Variants in NRIP1 observed in about 807,000 individuals in gnomAD.
The protein encoded by NRIP1 is nuclear receptor-interacting protein 1.
In NRIP1, 28 loss-of-function variants were observed where a neutral mutation model predicts 75.0. That is an observed-to-expected ratio of 0.37 (90% CI 0.28 to 0.51). The LOEUF (loss-of-function observed/expected upper bound fraction) is 0.51. Ranked by LOEUF, NRIP1 falls within the 20% of genes least tolerant of loss-of-function variation. The pLI, the probability that NRIP1 is intolerant of heterozygous loss-of-function variation, is 0.92. For missense variants in NRIP1, 1,435 were observed against 1,343.7 expected (o/e 1.07, Z -1.06); for synonymous variants, 526 against 487.6 (o/e 1.08, Z -1.04).
intron 2 of NRIP1, among the ~76,000 whole-genome samples, chr21:15,017,009 T>G (rs1423167387): frequency 6.7e-6 from 1 of 149,606 alleles, no homozygotes; most frequent in East Asian, 2.0e-4. Context: ...AAGAAAAGAA[T>G]GAAGGAAGGA....
Position 14,966,226 on chromosome 21 carries a change from G to T in NRIP1, c.1967C>A (p.Thr656Asn). 1 of 1,613,964 alleles carries T rather than the reference G, an allele frequency of 6.2e-7. No individual in the cohort carries two copies. The highest frequency in any genetic ancestry group is 8.5e-7 in the Non-Finnish European group (1 of 1,179,946). ...EEQRPSKQLL[T>N]GNTDKPIGMI... ...ACCTATCGGTTTATCTGTGTTTCCA[G>T]TTAACAGCTGTTTGCTGGGTCTCTG... The change falls in exon 4 of 4, where the codon ACT becomes AAT. Residue 656 changes from threonine to asparagine, a missense_variant. Thr to Asn is a moderately conservative substitution (Grantham distance 65). Coordinates refer to ENST00000318948, the MANE Select transcript of NRIP1 (RefSeq NM_003489.4).
At chr21:15,023,555 G>A (rs902051975) in intron 2 of NRIP1, among the ~76,000 whole-genome samples, 8 of 152,056 alleles carry the variant, frequency 5.3e-5, no homozygotes, top group African/African-American at 1.7e-4. Context: ...CATTAACAAC[G>A]AAACCTAAAT....
At chr21:15,009,306 T>C (rs1039926759) in intron 3 of NRIP1, among the ~76,000 whole-genome samples, 3 of 147,310 alleles carry the variant, frequency 2.0e-5, no homozygotes, top group African/African-American at 7.4e-5. Context: ...GAGTAACAAA[T>C]GTACAAATAT....
At chr21:15,037,845 T>G (rs898887615) in intron 2 of NRIP1, among the ~76,000 whole-genome samples, 3 of 152,270 alleles carry the variant, frequency 2.0e-5, no homozygotes. Flanking sequence ...AATAATTTTC[T>G]GCAGAAAGTT....
chr21:14,997,627 C>T (rs2087761712), intron 3 of NRIP1, among the ~76,000 whole-genome samples: 1 of 151,330 alleles, frequency 6.6e-6, no homozygotes, highest in Admixed American at 6.6e-5. Flanking sequence ...GGTAATCTTA[C>T]ACGTAGACAC....
At chr21:15,030,356 C>T (rs563285812) in intron 2 of NRIP1, among the ~76,000 whole-genome samples, 4 of 152,260 alleles carry the variant, frequency 2.6e-5, no homozygotes, top group South Asian at 2.1e-4. Context: ...AAAGTTTTTA[C>T]GAATATTCAC....
chr21:15,021,764 C>T (rs368280256), intron 2 of NRIP1, among the ~76,000 whole-genome samples: 2 of 151,998 alleles, frequency 1.3e-5, no homozygotes, highest in Non-Finnish European at 2.9e-5. Flanking sequence ...AGAAGACATT[C>T]GTGCGGCCAG....
chr21:15,054,052 A>G (rs2089256426), intron 1 of NRIP1, among the ~76,000 whole-genome samples: 1 of 152,208 alleles, frequency 6.6e-6, no homozygotes. Context: ...ATGTAGTTGA[A>G]TATGACTCTT....
chr21:15,002,244 G>A (rs73172384), intron 3 of NRIP1: 5,859 of 152,248 alleles, frequency 0.038, 306 homozygotes, highest in African/African-American at 0.12. Flanking sequence ...TCTGCAGACC[G>A]TAAGGCTTTC....
chr21:15,050,377 T>C, intron 1 of NRIP1: 2 of 231,170 alleles, frequency 8.7e-6, no homozygotes, highest in South Asian at 5.5e-5. Flanking sequence ...AATCAATCAA[T>C]GCTTTATGTT....
chr21:15,043,667 C>CA (rs934532735), intron 1 of NRIP1, 93 bp from the exon 2 acceptor site: 7 of 152,070 alleles, frequency 4.6e-5, no homozygotes, highest in Non-Finnish European at 1.0e-4. Context: ...TAAATCATCT[C>CA]AAAAAACAAC....
intron 3 of NRIP1, among the ~76,000 whole-genome samples, chr21:15,011,258 CAGCTCACTGCA>C (rs1475994234): frequency 2.0e-5 from 3 of 152,072 alleles, no homozygotes; most frequent in Admixed American, 6.6e-5. Context: ...GGCGCGATCT[CAGCTCACTGCA>C]AGCTCCACCT....
At chr21:15,014,763 G>A (rs141438241) in intron 2 of NRIP1, among the ~76,000 whole-genome samples, 4 of 151,424 alleles carry the variant, frequency 2.6e-5, no homozygotes, top group South Asian at 2.1e-4. Flanking sequence ...ATTTCTTAGC[G>A]TGCTGTGCTA....
rs1034253940 is a variant in NRIP1 at position 15,005,588 on chromosome 21, A to G, written c.-335+8756T>C. On this transcript the variant is annotated intron_variant, in intron 3 of 3. Transcript: ENST00000318948. ...TGGATTTGCAAGACAAAAACCTTCA[A>G]ACTGGCTGAAGGACATCTTAAATCT... 2.7e-4 allele frequency among the ~76,000 whole-genome samples: 41 copies of G among 152,150 alleles called. 1 individual carries two copies. Among genetic ancestry groups the G allele is most frequent in the South Asian group, 4.1e-4 (2 of 4,824 alleles).
intron 2 of NRIP1, among the ~76,000 whole-genome samples, chr21:15,031,338 C>A (rs934707607): frequency 7.0e-6 from 1 of 143,304 alleles, no homozygotes; most frequent in Non-Finnish European, 1.5e-5. Context: ...CTCTGGAAGG[C>A]GCTCGGAGGA....
intron 2 of NRIP1, among the ~76,000 whole-genome samples, chr21:15,033,630 T>C (rs769446237): frequency 3.3e-5 from 5 of 152,256 alleles, no homozygotes; most frequent in Non-Finnish European, 7.3e-5. Flanking sequence ...TTGTCAGTTA[T>C]CATTATTAAC....
At chr21:14,970,504 C>A (rs1445326133) in intron 3 of NRIP1, among the ~76,000 whole-genome samples, 1 of 152,188 alleles carries the variant, frequency 6.6e-6, no homozygotes, top group Non-Finnish European at 1.5e-5. Flanking sequence ...CGAGATCGTG[C>A]CACTGCACTC....
chr21:14,992,673 TGAAA>T (rs1421478458), intron 3 of NRIP1: 2 of 151,966 alleles, frequency 1.3e-5, no homozygotes, highest in East Asian at 3.9e-4. Flanking sequence ...GTGACACAAG[TGAAA>T]GAAAGAATAT....
Position 14,961,253 on chromosome 21 carries a change from A to AT in NRIP1, c.*3462dup, listed in dbSNP as rs1323954563. 3 of 152,476 alleles carry AT rather than the reference A, an allele frequency of 2.0e-5. No individual in the cohort carries two copies. The highest frequency in any genetic ancestry group is 1.5e-5 in the Non-Finnish European group (1 of 67,922). The allele number at this position is 152,476 out of a possible 1,614,324, so 9.4% of individuals were successfully genotyped here. The stretch of plus-strand genomic sequence containing the variant: ...AACCAGAGACAATGCATTTTTTCTC[A>AT]TTTATTCAAATTCACTGCAGGAAGT... On this transcript the variant is annotated 3_prime_UTR_variant, in exon 4 of 4. Coordinates refer to ENST00000318948, the MANE Select transcript of NRIP1 (RefSeq NM_003489.4).
Sources: allele counts gnomAD v4.1 joint callset (sites outside exome capture counted in the v4.1 genomes callset), GRCh38; gene constraint gnomAD v4.1.1; transcripts MANE v1.5; gene names NCBI Gene and HGNC (gene_info 2026-07-23, HGNC 2026-07-21).